The following ANXA8 variants were observed in gnomAD, a reference collection of about 807,000 sequenced individuals.
ANXA8 encodes annexin A8, also known as VAC-beta.
In ANXA8, 9 loss-of-function variants were observed where a neutral mutation model predicts 26.8. The observed-to-expected ratio is 0.34, with a 90% CI of 0.20 to 0.59. The LOEUF is 0.59. ANXA8 is among the 20% of genes least tolerant of loss of function. ANXA8 has a pLI of 0.84. For missense variants in ANXA8, 83 were observed against 238.5 expected (o/e 0.35, Z 4.29); for synonymous variants, 39 against 94.8 (o/e 0.41, Z 3.42).
chr10:47,657,635 C>G, the ANXA8 span, among the ~76,000 whole-genome samples: 5 of 150,662 alleles, frequency 3.3e-5, no homozygotes, highest in African/African-American at 1.2e-4. Context: ...ATGTTAATTA[C>G]CCATTTTTTT....
the ANXA8 span, among the ~76,000 whole-genome samples, chr10:47,658,847 A>AT: frequency 1.2e-3 from 155 of 133,690 alleles, no homozygotes; most frequent in Middle Eastern, 0.011. Context: ...TTATTTATTT[A>AT]TTATTTATTT....
chr10:47,970,878 C>A, the ANXA8 span, among the ~76,000 whole-genome samples: 2 of 151,270 alleles, frequency 1.3e-5, no homozygotes, highest in African/African-American at 4.8e-5. Context: ...AGGTGCTGGG[C>A]ACACCAGAGG....
At chr10:47,625,880 C>G in the ANXA8 span, among the ~76,000 whole-genome samples, 3 of 150,926 alleles carry the variant, frequency 2.0e-5, no homozygotes, top group South Asian at 4.1e-4. Context: ...TGCAATTTCC[C>G]CATGCCCTAG....
the ANXA8 span, among the ~76,000 whole-genome samples, chr10:47,952,143 C>T: frequency 1.3e-5 from 2 of 151,212 alleles, no homozygotes; most frequent in Admixed American, 6.6e-5. Context: ...AAAATGCTGT[C>T]ATGAAAAACC....
Position 47,476,849 on chromosome 10 carries a change from A to AT in ANXA8, c.321+231dup, listed in dbSNP as rs1371080091. ...GCTCGTGAGGTTCTGAGAAGTACTG[A>AT]TTTTGGCTTCATCACGGCCACTCAA... On this transcript the variant is annotated intron_variant, in intron 4 of 11. Transcript: ENST00000585281. 3.4e-5 allele frequency among the ~76,000 whole-genome samples: 4 copies of AT among 118,652 alleles called. No individual in the cohort carries two copies. In the Admixed American group the frequency reaches 3.5e-4, roughly 10 times the overall value. 77.8% of individuals were successfully genotyped at this position (118,652 alleles called of 152,430 possible).
the ANXA8 span, among the ~76,000 whole-genome samples, chr10:47,588,248 A>G: frequency 2.7e-4 from 35 of 131,358 alleles, no homozygotes; most frequent in African/African-American, 1.2e-3. Flanking sequence ...CTGTTAACTC[A>G]TGGAATTTTC....
At chr10:47,687,275 T>C in the ANXA8 span, among the ~76,000 whole-genome samples, 4 of 150,910 alleles carry the variant, frequency 2.7e-5, no homozygotes, top group African/African-American at 9.7e-5. Context: ...TTTTTTTTTT[T>C]TTTTTGAGAC....
chr10:47,744,277 T>G, the ANXA8 span, among the ~76,000 whole-genome samples: 1 of 149,848 alleles, frequency 6.7e-6, no homozygotes, highest in Non-Finnish European at 1.5e-5. Context: ...TATGTGATAA[T>G]GACAGTATTT....
chr10:47,643,443 C>T, the ANXA8 span, among the ~76,000 whole-genome samples: 6 of 145,886 alleles, frequency 4.1e-5, 1 homozygote, highest in East Asian at 1.9e-4. Context: ...GCAGGAGAAC[C>T]GCTTGAACCC....
chr10:47,768,260 G>A, the ANXA8 span, among the ~76,000 whole-genome samples: 1 of 151,476 alleles, frequency 6.6e-6, no homozygotes, highest in East Asian at 1.9e-4. Flanking sequence ...TCCAGCTTCT[G>A]TGCTAACAAC....
the ANXA8 span, chr10:47,760,665 C>G: frequency 1.6e-6 from 1 of 627,362 alleles, no homozygotes; most frequent in Non-Finnish European, 2.7e-6. Flanking sequence ...AAAGAGTGGT[C>G]CCTGGGTGGT....
the ANXA8 span, among the ~76,000 whole-genome samples, chr10:47,954,830 G>A: frequency 6.6e-6 from 1 of 151,186 alleles, no homozygotes; most frequent in African/African-American, 2.4e-5. Context: ...AAAAACCCCA[G>A]ACAGTAGAAT....
the ANXA8 span, among the ~76,000 whole-genome samples, chr10:47,703,563 G>A: frequency 2.7e-5 from 4 of 147,220 alleles, no homozygotes; most frequent in African/African-American, 1.0e-4. Context: ...GTGAGACTCT[G>A]TCTCAAGAAA....
the ANXA8 span, chr10:47,563,790 T>G: frequency 2.8e-6 from 2 of 719,534 alleles, no homozygotes; most frequent in South Asian, 1.6e-5. Flanking sequence ...GGAACTGATT[T>G]TTTTTTAAGT....
chr10:47,899,930 T>C, the ANXA8 span, among the ~76,000 whole-genome samples: 3 of 150,654 alleles, frequency 2.0e-5, no homozygotes, highest in Non-Finnish European at 3.0e-5. Flanking sequence ...CTATTGATCT[T>C]AAAGTTAACA....
At chr10:47,593,619 C>T in the ANXA8 span, among the ~76,000 whole-genome samples, 18 of 149,746 alleles carry the variant, frequency 1.2e-4, 2 homozygotes, top group Admixed American at 9.2e-4. Context: ...AAAGCCACTG[C>T]AGCAACCTAT....
At chr10:47,658,134 C>T in the ANXA8 span, among the ~76,000 whole-genome samples, 1 of 151,886 alleles carries the variant, frequency 6.6e-6, no homozygotes, top group South Asian at 2.1e-4. Flanking sequence ...ACTTTGGAGG[C>T]TGAGGCGGGT....
chr10:47,561,681 A>G, the ANXA8 span, among the ~76,000 whole-genome samples: 1 of 151,848 alleles, frequency 6.6e-6, no homozygotes, highest in Non-Finnish European at 1.5e-5. Context: ...TTAATTCAGC[A>G]TGTATTTGAG....
the ANXA8 span, among the ~76,000 whole-genome samples, chr10:47,632,314 A>G: frequency 6.6e-6 from 1 of 150,502 alleles, no homozygotes; most frequent in Non-Finnish European, 1.5e-5. Context: ...TCCTAATCCT[A>G]CCAAAACATT....
Sources: allele counts gnomAD v4.1 joint callset (sites outside exome capture counted in the v4.1 genomes callset), GRCh38; gene constraint gnomAD v4.1.1; transcripts MANE v1.5; gene names NCBI Gene and HGNC (gene_info 2026-07-23, HGNC 2026-07-21).